Variants in SLC37A2 observed in about 807,000 individuals in gnomAD.
SLC37A2 encodes the protein glucose-6-phosphate exchanger SLC37A2.
Under a neutral mutation model 70.7 loss-of-function variants are expected in SLC37A2, and 59 were observed. The ratio of observed to expected loss-of-function variants is 0.83; its 90% confidence interval spans 0.68 to 1.04. The LOEUF (loss-of-function observed/expected upper bound fraction) is 1.04, where lower values mean the gene tolerates loss of function less well. Among genes scored for constraint, SLC37A2 ranks in the 50% least tolerant of loss-of-function variants. The probability of loss-of-function intolerance (pLI) is 0.00; values close to 1 mark genes in which losing one functional copy is unlikely to be tolerated. For synonymous variants in SLC37A2, 257 were observed against 262.1 expected, an observed-to-expected ratio of 0.98 and a Z score of 0.19; for missense variants, 580 against 658.1, an observed-to-expected ratio of 0.88 and a Z score of 1.30.
intron 1 of SLC37A2, among the ~76,000 whole-genome samples, chr11:125,070,115 G>A (rs12798119): frequency 0.023 from 3,526 of 152,344 alleles, 59 homozygotes; most frequent in Middle Eastern, 0.051. Context: ...GACCACAGCT[G>A]GATGAGCAGG....
intron 1 of SLC37A2, 62 bp from the exon 2 acceptor site, chr11:125,076,695 C>CGGCCCAG: frequency 1.3e-6 from 2 of 1,515,748 alleles, no homozygotes; most frequent in Non-Finnish European, 1.8e-6. Context: ...TCAGGGATGC[C>CGGCCCAG]GGCCCAGAAC....
rs1405562619 is a variant in SLC37A2, at chr11:125,079,029, A to G, written c.315-83A>G. On this transcript the variant is annotated intron_variant, in intron 4 of 17. Transcript: ENST00000403796. ...GGGACCTTGGCCAGAGCCACTTCCTAGCGTGGTGGGGGCAGAAACATGGTA... is the reference window on the plus strand; with the variant it reads ...GGGACCTTGGCCAGAGCCACTTCCTGGCGTGGTGGGGGCAGAAACATGGTA... The G allele has an allele frequency of 3.8e-6, 6 of 1,579,698 alleles. No individual in the cohort carries two copies. In the Admixed American group the frequency reaches 5.1e-5, roughly 13 times the overall value.
chr11:125,080,561 T>C lies in SLC37A2; in HGVS notation c.528-53T>C. ...TGGCTGGGGCAGTTGCTATGAACAA[T>C]GTGCTTTGCTTTTTACTTTTTATAC... is the stretch of plus-strand genomic sequence containing the variant. On this transcript the variant is annotated intron_variant, in intron 6 of 17. Transcript: ENST00000403796. The surrounding 1 kb of genome is among the most constrained non-coding windows in gnomAD (Gnocchi z 4.3). The C allele has an allele frequency of 1.4e-6, 2 of 1,397,128 alleles. No homozygotes were observed. Among genetic ancestry groups the C allele is most frequent in the Non-Finnish European group, 1.9e-6 (2 of 1,062,600 alleles). The allele number at this position is 1,397,128 out of a possible 1,614,324, so 86.5% of individuals were successfully genotyped here.
rs34131472 is a variant in SLC37A2, at chr11:125,079,141, G to A, written c.344G>A (p.Arg115His). The A allele has an allele frequency of 9.4e-5, 152 of 1,614,066 alleles. No homozygotes were observed. Among genetic ancestry groups the A allele is most frequent in the Non-Finnish European group, 1.1e-4 (135 of 1,180,024 alleles). The change falls in exon 5 of 18, where the codon CGT becomes CAT. Residue 115 changes from arginine (R) to histidine (H), a missense_variant. Arg to His is a conservative substitution (Grantham distance 29, BLOSUM62 0). Coordinates refer to ENST00000403796, the MANE Select transcript of SLC37A2 (RefSeq NM_001145290.2). Reference sequence around the variant, plus strand: ...GTTTTTGGGGAGCGGCTTCCGCTCCGTTACTACCTCTCAGCTGGAATGCTG... The same window carrying A: ...GTTTTTGGGGAGCGGCTTCCGCTCCATTACTACCTCTCAGCTGGAATGCTG... ...SGVFGERLPL[R>H]YYLSAGMLLS... is the part of the protein sequence containing the mutation.
chr11:125,086,832 G>A (rs971469617), intron 17 of SLC37A2: 4 of 168,110 alleles, frequency 2.4e-5, no homozygotes, highest in African/African-American at 9.6e-5. Flanking sequence ...TAACAAGGAG[G>A]CCGCTAATGA....
chr11:125,077,416 C>A, intron 3 of SLC37A2, 34 bp from the exon 4 acceptor site: 4 of 1,603,640 alleles, frequency 2.5e-6, no homozygotes, highest in Non-Finnish European at 3.4e-6. Context: ...GGCATCCACG[C>A]AGTCAGCTTT....
chr11:125,087,917 C>A, intron 17 of SLC37A2: 1 of 564,936 alleles, frequency 1.8e-6, no homozygotes, highest in Non-Finnish European at 3.1e-6. Context: ...CAGGTGTGAG[C>A]CACCGCGCCC....
At position 125,088,875 on chromosome 11, in the gene SLC37A2, G is replaced by C. The variant is rs1949252577; in HGVS notation, c.*741G>C. On this transcript the variant is annotated 3_prime_UTR_variant, in exon 18 of 18. Coordinates refer to ENST00000403796, the MANE Select transcript of SLC37A2 (RefSeq NM_001145290.2). ...CGGTGCTGTGGGGAGAGTAGAAAGA[G>C]GGGTTGGCATGACTAAAAATACCAG... The C allele has an allele frequency of 6.6e-6, 1 of 152,314 alleles. No individual in the cohort carries two copies. The highest frequency in any genetic ancestry group is 1.5e-5 in the Non-Finnish European group (1 of 68,106). 9.4% of individuals were successfully genotyped at this position (152,314 alleles called of 1,614,324 possible).
intron 3 of SLC37A2, 31 bp downstream of exon 3, chr11:125,077,354 C>A: frequency 6.3e-7 from 1 of 1,590,042 alleles, no homozygotes; most frequent in Non-Finnish European, 8.6e-7. Context: ...TCTTCCCATT[C>A]CCCATTCCCT....
intron 4 of SLC37A2, 132 bp from the exon 5 acceptor site, chr11:125,078,980 C>A: frequency 8.7e-7 from 1 of 1,153,934 alleles, no homozygotes; most frequent in Non-Finnish European, 1.3e-6. Flanking sequence ...GGCCCCGTCA[C>A]ATGGCAACAC....
rs1949132542 is a variant in SLC37A2 at position 125,080,300 on chromosome 11, C to G, written c.528-314C>G. ...GGATCACCCCTGGTTGAGGACAGTG[C>G]TTTAGAGTGAGATCGTGGGACAGAA... On this transcript the variant is annotated intron_variant, in intron 6 of 17. Coordinates refer to ENST00000403796, the MANE Select transcript of SLC37A2 (RefSeq NM_001145290.2). This position sits in a 1 kb window ranked among gnomAD's most constrained non-coding sequence, Gnocchi z 4.3. 6.6e-6 allele frequency among the ~76,000 whole-genome samples: 1 copy of G among 152,180 alleles called. No individual in the cohort carries two copies. Among genetic ancestry groups the G allele is most frequent in the Admixed American group, 6.5e-5 (1 of 15,284 alleles).
intron 1 of SLC37A2, among the ~76,000 whole-genome samples, chr11:125,072,669 G>T (rs1238092408): frequency 6.6e-6 from 1 of 152,236 alleles, no homozygotes; most frequent in Non-Finnish European, 1.5e-5. Flanking sequence ...TCTAAACATG[G>T]AAGGAGTGCG....
rs1380587250 is a variant in SLC37A2 at position 125,089,654 on chromosome 11, A to C, written c.*1520A>C. The C allele has an allele frequency of 6.5e-6, 1 of 153,112 alleles. No homozygotes were observed. The highest frequency in any genetic ancestry group is 1.5e-5 in the Non-Finnish European group (1 of 68,816). 9.5% of individuals were successfully genotyped at this position (153,112 alleles called of 1,614,324 possible). A position where few individuals can be genotyped will look rare whatever the true frequency, so the allele number is the denominator to read the frequency against. On this transcript the variant is annotated 3_prime_UTR_variant, in exon 18 of 18. Transcript: ENST00000403796. ...TTGGCACCCGGGCCAGCGGCTGCAG[A>C]GGGTGTACTGGGTCCCCCAGCAGTG...
chr11:125,070,472 C>T lies in SLC37A2; in HGVS notation c.60-6285C>T, dbSNP rs191386981. 6.4e-4 allele frequency among the ~76,000 whole-genome samples: 98 copies of T among 152,270 alleles called. 1 individual carries two copies. The East Asian group carries it at 0.012, about 19-fold the overall frequency. ...GGAAGATCGAACTGAGGCTTAGAGA[C>T]GTACAACAACTTGCCCAAGGTCACA... On this transcript the variant is annotated intron_variant, in intron 1 of 17. Coordinates refer to ENST00000403796, the MANE Select transcript of SLC37A2 (RefSeq NM_001145290.2).
chr11:125,063,410 T>A lies in SLC37A2; in HGVS notation c.43T>A (p.Phe15Ile). ...LAPGVWFFRA[F>I]SRDSWFRGLI... is the part of the protein sequence containing the mutation. ...TCCGGGAGTCTGGTTCTTCCGGGCC[T>A]TCTCCAGGGACAGCTGGTGAGCGGG... Residue 15 changes from phenylalanine to isoleucine, a missense_variant, in exon 1 of 18, where the codon TTC becomes ATC. Phe to Ile is a conservative substitution (Grantham distance 21, BLOSUM62 0). Transcript: ENST00000403796. The surrounding 1 kb of genome is among the most constrained non-coding windows in gnomAD (Gnocchi z 5.4). 2.5e-6 allele frequency: 4 copies of A among 1,611,792 alleles called. No individual in the cohort carries two copies. The highest frequency in any genetic ancestry group is 3.4e-6 in the Non-Finnish European group (4 of 1,179,174).
rs989644410 is a variant in SLC37A2 at position 125,083,669 on chromosome 11, C to A, written c.977-146C>A. The stretch of plus-strand genomic sequence containing the variant: ...ACTGCTGCATTCTCACCCTGTGGCC[C>A]TGGCCAGCCTGCTCCACAGGTCCCC... On this transcript the variant is annotated intron_variant, in intron 10 of 17. Transcript: ENST00000403796. This position sits in a 1 kb window ranked among gnomAD's most constrained non-coding sequence, Gnocchi z 4.6. 1 of 704,382 alleles carries A rather than the reference C, an allele frequency of 1.4e-6. No homozygotes were observed. The highest frequency in any genetic ancestry group is 2.5e-6 in the Non-Finnish European group (1 of 401,624). The allele number at this position is 704,382 out of a possible 1,614,324, so 43.6% of individuals were successfully genotyped here. A position where few individuals can be genotyped will look rare whatever the true frequency, so the allele number is the denominator to read the frequency against.
chr11:125,084,109 A>C (rs960683639), intron 11 of SLC37A2, 125 bp from the exon 12 acceptor site: 25 of 1,100,250 alleles, frequency 2.3e-5, no homozygotes, highest in Non-Finnish European at 3.4e-5. Flanking sequence ...AGGGCTGTGG[A>C]AAAAGCAGCT....
chr11:125,076,092 A>G (rs1000284828), intron 1 of SLC37A2, among the ~76,000 whole-genome samples: 1 of 152,046 alleles, frequency 6.6e-6, no homozygotes, highest in Non-Finnish European at 1.5e-5. Flanking sequence ...TGTTCTTTCC[A>G]TCCCGGGCCA....
chr11:125,081,803 C>T lies in SLC37A2; in HGVS notation c.782C>T (p.Pro261Leu), dbSNP rs772634554. The T allele has an allele frequency of 1.1e-4, 178 of 1,613,628 alleles. No individual in the cohort carries two copies. The highest frequency in any genetic ancestry group is 1.6e-4 in the Middle Eastern group (1 of 6,074). Residue 261 changes from proline (P) to leucine (L), a missense_variant, in exon 9 of 18, where the codon CCC (proline) becomes CTC (leucine). Physicochemically the swap from Pro to Leu is moderately conservative, Grantham distance 98. Coordinates refer to ENST00000403796, the MANE Select transcript of SLC37A2 (RefSeq NM_001145290.2). ...QDNPEDPGNS[P>L]CSIRESGLET... ...AACCCTGAGGACCCTGGGAACAGTC[C>T]CTGCTCTATCAGGGAGAGCGGCCTT...
Sources: allele counts gnomAD v4.1 joint callset (sites outside exome capture counted in the v4.1 genomes callset), GRCh38; gene constraint gnomAD v4.1.1; non-coding constraint Gnocchi (gnomAD v3.1); transcripts MANE v1.5; gene names NCBI Gene and HGNC (gene_info 2026-07-23, HGNC 2026-07-21).